The following BCL7A variants were observed in gnomAD, a reference collection of about 807,000 sequenced individuals.
The protein encoded by BCL7A is B-cell CLL/lymphoma 7 protein family member A.
Under a neutral mutation model 28.4 loss-of-function variants are expected in BCL7A, and 11 were observed. The ratio of observed to expected loss-of-function variants is 0.39; its 90% CI spans 0.24 to 0.64. The LOEUF is 0.64. Among genes scored for constraint, BCL7A ranks in the 30% least tolerant of loss-of-function variants. BCL7A has a pLI of 0.50. For missense variants in BCL7A, 222 were observed against 274.8 expected (o/e 0.81, Z 1.36); for synonymous variants, 123 against 103.3 (o/e 1.19, Z -1.15).
chr12:122,034,773 G>A (rs558068303), intron 2 of BCL7A, among the ~76,000 whole-genome samples: 20 of 151,612 alleles, frequency 1.3e-4, no homozygotes, highest in South Asian at 4.2e-4. Flanking sequence ...GGAATGGCAC[G>A]AAAAGCATCC....
Position 122,043,909 on chromosome 12 carries a change from A to G in BCL7A, c.295A>G (p.Ile99Val), listed in dbSNP as rs768969911. The G allele has an allele frequency of 3.1e-6, 5 of 1,613,728 alleles. No homozygotes were observed. Among genetic ancestry groups the G allele is most frequent in the African/African-American group, 1.3e-5 (1 of 74,900 alleles). Residue 99 changes from isoleucine (I) to valine (V), a missense_variant, in exon 4 of 6, where the codon ATC becomes GTC. Physicochemically the swap from Ile to Val is conservative, Grantham distance 29 (BLOSUM62 3). Transcript: ENST00000261822. ...AGACGATAACAGCAACCAGAGCTCC[A>G]TCGCAGATGCCTCCCCCATCAAACA... ...MHDDNSNQSS[I>V]ADASPIKQEN...
At position 122,030,739 on chromosome 12, in the gene BCL7A, A is replaced by C; in HGVS notation, c.132A>C (p.Arg44=). The part of the protein sequence containing the change: ...KWVTVGDTSL[R]IYKWVPVTEP... ...TGACCGTTGGTGACACATCCCTACG[A>C]ATCTACAAATGGGTCCCTGTGACGG... Residue 44 remains arginine (R), a synonymous_variant, in exon 2 of 6, where the codon CGA becomes CGC. Transcript: ENST00000261822. 1.9e-6 allele frequency: 3 copies of C among 1,614,074 alleles called. No homozygotes were observed. The highest frequency in any genetic ancestry group is 2.5e-6 in the Non-Finnish European group (3 of 1,179,968).
chr12:122,030,590 C>A (rs2135842101), intron 1 of BCL7A, 110 bp from the exon 2 acceptor site: 2 of 1,032,290 alleles, frequency 1.9e-6, no homozygotes, highest in South Asian at 1.4e-5. Flanking sequence ...GCTGGGATTC[C>A]AACCCTCATC....
intron 1 of BCL7A, among the ~76,000 whole-genome samples, chr12:122,025,712 G>A (rs1424095313): frequency 6.6e-6 from 1 of 151,470 alleles, no homozygotes; most frequent in African/African-American, 2.4e-5. Flanking sequence ...TTGGGAGGCC[G>A]AGGCAGGCAG....
At chr12:122,034,364 C>T (rs899077384) in intron 2 of BCL7A, among the ~76,000 whole-genome samples, 8 of 146,954 alleles carry the variant, frequency 5.4e-5, no homozygotes, top group Middle Eastern at 3.5e-3. Flanking sequence ...GAATGTACCA[C>T]GATTGATTTA....
intron 1 of BCL7A, among the ~76,000 whole-genome samples, chr12:122,028,050 C>T (rs1234740062): frequency 2.0e-5 from 3 of 152,098 alleles, no homozygotes; most frequent in Non-Finnish European, 2.9e-5. Context: ...CCTGGGTGCT[C>T]ACTTGGTGCC....
At chr12:122,023,905 G>A (rs2135835328) in intron 1 of BCL7A, among the ~76,000 whole-genome samples, 1 of 152,338 alleles carries the variant, frequency 6.6e-6, no homozygotes, top group South Asian at 2.1e-4. Flanking sequence ...CGGCCTGGAG[G>A]TTGGGAAACA....
chr12:122,045,904 G>C (rs1303399574), intron 4 of BCL7A, among the ~76,000 whole-genome samples: 2 of 151,562 alleles, frequency 1.3e-5, no homozygotes, highest in Non-Finnish European at 2.9e-5. Context: ...CCCTAGGCAA[G>C]AAGACGAAAC....
In BCL7A at chr12:122,028,431, A is replaced by G. The variant is rs116547609; in HGVS notation, c.93-2269A>G. Among the ~76,000 whole-genome samples, 357 of 151,706 alleles carry G rather than the reference A, an allele frequency of 2.4e-3. 3 individuals are homozygous for G. The highest frequency in any genetic ancestry group is 8.3e-3 in the African/African-American group (342 of 41,342). ...CAATTACTTTTTTTTTTTTTTCCCAAACACAATCAAACCTTGAATGGGTTG... is the reference window on the plus strand; with the variant it reads ...CAATTACTTTTTTTTTTTTTTCCCAGACACAATCAAACCTTGAATGGGTTG... On this transcript the variant is annotated intron_variant, in intron 1 of 5. Coordinates refer to ENST00000261822, the MANE Select transcript of BCL7A (RefSeq NM_001024808.3).
chr12:122,037,622 C>CCAACATGG (rs1410858124), intron 3 of BCL7A, among the ~76,000 whole-genome samples: 1 of 151,518 alleles, frequency 6.6e-6, no homozygotes, highest in Non-Finnish European at 1.5e-5. Context: ...TCGAGACCAG[C>CCAACATGG]CTGGCCAACA....
rs1289292344 is a variant in BCL7A, at chr12:122,057,095, CAG to C, written c.562-1996_562-1995del. On this transcript the variant is annotated intron_variant, in intron 5 of 5. Coordinates refer to ENST00000261822, the MANE Select transcript of BCL7A (RefSeq NM_001024808.3). ...CACTAAGTGCCGTGAGAGAGTGAAA[CAG>C]GGTGACGTGAAGAAGCAGAACAGGC... Among the ~76,000 whole-genome samples the C allele has an allele frequency of 4.6e-5, 7 of 152,316 alleles. No homozygotes were observed. The South Asian group carries it at 1.2e-3, about 27-fold the overall frequency.
intron 1 of BCL7A, among the ~76,000 whole-genome samples, chr12:122,030,225 C>T (rs1013147924): frequency 4.6e-5 from 7 of 152,226 alleles, no homozygotes; most frequent in African/African-American, 1.7e-4. Flanking sequence ...CTTGCCTGCT[C>T]ATGCCTCCCC....
chr12:122,043,198 G>A (rs774939121), intron 3 of BCL7A, among the ~76,000 whole-genome samples: 2 of 151,896 alleles, frequency 1.3e-5, no homozygotes, highest in East Asian at 3.9e-4. Flanking sequence ...CTTCTGTATC[G>A]CTTCCCTGCC....
At position 122,061,783 on chromosome 12, in the gene BCL7A, T is replaced by C. The variant is rs746978875; in HGVS notation, c.*2620T>C. 1 of 229,730 alleles carries C rather than the reference T, an allele frequency of 4.4e-6. No individual in the cohort carries two copies. Among genetic ancestry groups the C allele is most frequent in the East Asian group, 6.2e-5 (1 of 16,164 alleles). 14.2% of individuals were successfully genotyped at this position (229,730 alleles called of 1,614,324 possible). A position where few individuals can be genotyped will look rare whatever the true frequency, so the allele number is the denominator to read the frequency against. On this transcript the variant is annotated 3_prime_UTR_variant, in exon 6 of 6. Transcript: ENST00000261822. The stretch of plus-strand genomic sequence containing the variant: ...CACTTACACCCACAACCCGGAAGGC[T>C]GTGGACCGATTCCTCTAGGGTGGTG...
intron 4 of BCL7A, among the ~76,000 whole-genome samples, chr12:122,050,130 G>A (rs1239598324): frequency 1.3e-5 from 2 of 152,082 alleles, no homozygotes; most frequent in Non-Finnish European, 2.9e-5. Context: ...GCGTGCATTT[G>A]CCATCACACC....
intron 1 of BCL7A, among the ~76,000 whole-genome samples, chr12:122,023,899 C>T (rs972267246): frequency 6.6e-6 from 1 of 152,216 alleles, no homozygotes; most frequent in Non-Finnish European, 1.5e-5. Context: ...TGTCGCCGGC[C>T]TGGAGGTTGG....
intron 4 of BCL7A, among the ~76,000 whole-genome samples, chr12:122,053,442 T>G (rs1032528367): frequency 1.3e-5 from 2 of 152,172 alleles, no homozygotes. Context: ...GCCTGCTTGC[T>G]TTTAAACTTA....
chr12:122,032,519 C>T (rs1024137382), intron 2 of BCL7A, among the ~76,000 whole-genome samples: 1 of 152,122 alleles, frequency 6.6e-6, no homozygotes, highest in African/African-American at 2.4e-5. Flanking sequence ...CAGGGAAGTG[C>T]CAAATGGAAT....
intron 1 of BCL7A, among the ~76,000 whole-genome samples, chr12:122,028,397 G>T (rs1429563097): frequency 1.3e-5 from 2 of 151,826 alleles, no homozygotes; most frequent in Non-Finnish European, 2.9e-5. Context: ...TGTCCTGTGT[G>T]TTACAAGTCA....
Sources: gnomAD v4.1 joint callset for allele counts (sites outside exome capture counted in the v4.1 genomes callset) on GRCh38, gnomAD v4.1.1 for gene constraint, MANE v1.5 for transcripts, NCBI Gene and HGNC (gene_info 2026-07-23, HGNC 2026-07-21) for gene names.